The following GALNT10 variants were observed in gnomAD, a reference collection of about 807,000 sequenced individuals.
GALNT10 encodes the protein GalNAc transferase 10.
Under a neutral mutation model 75.0 loss-of-function variants are expected in GALNT10, and 41 were observed. The ratio of observed to expected loss-of-function variants is 0.55; its 90% CI spans 0.43 to 0.71. The LOEUF is 0.71. GALNT10 is among the 30% of genes least tolerant of loss of function. The pLI, the probability that GALNT10 is intolerant of heterozygous loss-of-function variation, is 0.00. For missense variants in GALNT10, 727 were observed against 818.5 expected (o/e 0.89, Z 1.36); for synonymous variants, 302 against 313.0 (o/e 0.96, Z 0.37).
chr5:154,403,464 G>T (rs757204072), intron 7 of GALNT10, among the ~76,000 whole-genome samples: 4 of 152,214 alleles, frequency 2.6e-5, no homozygotes, highest in Non-Finnish European at 2.9e-5. Context: ...CAGCTGCACA[G>T]CCTAGCAAGC....
At chr5:154,206,484 C>G (rs1191786318) in intron 1 of GALNT10, among the ~76,000 whole-genome samples, 4 of 152,202 alleles carry the variant, frequency 2.6e-5, no homozygotes, top group Admixed American at 2.6e-4. Flanking sequence ...TGCAGTGCAT[C>G]AGGCAGAGCA....
At chr5:154,231,775 C>G (rs1362009660) in intron 1 of GALNT10, among the ~76,000 whole-genome samples, 1 of 152,194 alleles carries the variant, frequency 6.6e-6, no homozygotes, top group East Asian at 1.9e-4. Flanking sequence ...AGCTTAATTG[C>G]TGGCACATCT....
chr5:154,325,961 C>A (rs9324775), intron 3 of GALNT10, among the ~76,000 whole-genome samples: 8,942 of 151,812 alleles, frequency 0.059, 807 homozygotes, highest in African/African-American at 0.2. Flanking sequence ...TATCTTGTAC[C>A]TAAGAAATTC....
chr5:154,379,569 A>G (rs778977430), intron 5 of GALNT10, among the ~76,000 whole-genome samples: 1 of 152,210 alleles, frequency 6.6e-6, no homozygotes, highest in Non-Finnish European at 1.5e-5. Flanking sequence ...TGTCTGACCC[A>G]GTAGCTCACT....
intron 1 of GALNT10, among the ~76,000 whole-genome samples, chr5:154,202,450 G>T (rs991056410): frequency 1.3e-5 from 2 of 152,196 alleles, no homozygotes; most frequent in African/African-American, 2.4e-5. Flanking sequence ...TATGCACTGT[G>T]CCCATCTCAG....
chr5:154,190,904 C>A lies in GALNT10; in HGVS notation c.38C>A (p.Ala13Glu). ...GAGAAGCGGCTCCTGCAGGCGGTGG[C>A]GCTGGTGCTGGCGGCCCTGGTCCTC... ...RKEKRLLQAV[A>E]LVLAALVLLP... The change falls in exon 1 of 12, where the codon GCG (alanine) becomes GAG (glutamate). Residue 13 changes from alanine to glutamate, a missense_variant. By Grantham distance (107) the Ala-to-Glu change is moderately radical. Coordinates refer to ENST00000297107, the MANE Select transcript of GALNT10 (RefSeq NM_198321.4). 6.8e-7 allele frequency: 1 copy of A among 1,472,914 alleles called. No homozygotes were observed. The allele number at this position is 1,472,914 out of a possible 1,614,324, so 91.2% of individuals were successfully genotyped here. A position where few individuals can be genotyped will look rare whatever the true frequency, so the allele number is the denominator to read the frequency against.
At chr5:154,269,707 G>A (rs1753832967) in intron 1 of GALNT10, among the ~76,000 whole-genome samples, 1 of 152,236 alleles carries the variant, frequency 6.6e-6, no homozygotes, top group Admixed American at 6.5e-5. Context: ...ATAGGCTGGT[G>A]GGCAGAGAAC....
rs556588342 is a variant in GALNT10 at position 154,347,387 on chromosome 5, A to G, written c.568+17649A>G. The G allele has an allele frequency of 2.5e-5, 8 of 320,682 alleles. No individual in the cohort carries two copies. The East Asian group carries it at 4.7e-4, about 19-fold the overall frequency. The allele number at this position is 320,682 out of a possible 1,614,324, so 19.9% of individuals were successfully genotyped here. ...TATAAGGATTTTTTTTTTTTTAGAC[A>G]GGATCTTGCTCTGTCATTCAGGTTG... On this transcript the variant is annotated intron_variant, in intron 4 of 11. Coordinates refer to ENST00000297107, the MANE Select transcript of GALNT10 (RefSeq NM_198321.4).
chr5:154,352,850 T>C lies in GALNT10; in HGVS notation c.568+23112T>C, dbSNP rs1581988212. On this transcript the variant is annotated intron_variant, in intron 4 of 11. Transcript: ENST00000297107. This position sits in a 1 kb window ranked among gnomAD's most constrained non-coding sequence, Gnocchi z 4.4. ...GCGGTCTTGCATCGGGACATGGCTA[T>C]GGCAGGGAAGAAATTTTCACAGGGC... Among the ~76,000 whole-genome samples, 1 of 152,316 alleles carries C rather than the reference T, an allele frequency of 6.6e-6. No individual in the cohort carries two copies. The highest frequency in any genetic ancestry group is 2.4e-5 in the African/African-American group (1 of 41,568).
At chr5:154,324,234 C>T (rs559945803) in intron 3 of GALNT10, among the ~76,000 whole-genome samples, 44 of 152,226 alleles carry the variant, frequency 2.9e-4, no homozygotes, top group Non-Finnish European at 4.0e-4. Flanking sequence ...GATGCAGTGT[C>T]CCCAGCTGCT....
At chr5:154,293,432 G>C (rs1266798071) in intron 1 of GALNT10, among the ~76,000 whole-genome samples, 2 of 152,034 alleles carry the variant, frequency 1.3e-5, no homozygotes, top group South Asian at 2.1e-4. Context: ...CTGTTGGCTT[G>C]AGAAAGTATC....
At chr5:154,267,182 C>G (rs1052786260) in intron 1 of GALNT10, among the ~76,000 whole-genome samples, 3 of 152,172 alleles carry the variant, frequency 2.0e-5, no homozygotes, top group African/African-American at 7.2e-5. Context: ...ACATCCAAAT[C>G]ATGGCGTGGT....
At chr5:154,341,404 CT>C (rs1374258219) in intron 4 of GALNT10, among the ~76,000 whole-genome samples, 1 of 152,168 alleles carries the variant, frequency 6.6e-6, no homozygotes, top group African/African-American at 2.4e-5. Flanking sequence ...CATTCCTGGG[CT>C]TGTTAATGAA....
intron 1 of GALNT10, among the ~76,000 whole-genome samples, chr5:154,245,031 A>C (rs2113670349): frequency 6.6e-6 from 1 of 152,240 alleles, no homozygotes. Flanking sequence ...CACTGCAGGG[A>C]TTCTGGAAGC....
Position 154,276,823 on chromosome 5 carries a change from G to A in GALNT10, c.160-17993G>A, listed in dbSNP as rs550608160. Among the ~76,000 whole-genome samples the A allele has an allele frequency of 5.9e-5, 9 of 152,266 alleles. No individual in the cohort carries two copies. The South Asian group carries it at 1.5e-3, about 25-fold the overall frequency. ...AGGGAGATTATTTTGTAAGCGGAGC[G>A]GGGATAGAAGTGGGGCCTCTTGAAG... is the stretch of plus-strand genomic sequence containing the variant. On this transcript the variant is annotated intron_variant, in intron 1 of 11. Transcript: ENST00000297107.
chr5:154,415,817 C>A lies in GALNT10; in HGVS notation c.1538C>A (p.Pro513His). Reference protein sequence around the residue: ...FTFTWREDIRPGDPQHTKKFC... With the variant: ...FTFTWREDIRHGDPQHTKKFC... ...TTCACCTGGAGAGAGGACATCCGGC[C>A]TGGAGACCCCCAGCACACCAAGAAG... is the stretch of plus-strand genomic sequence containing the variant. The change falls in exon 11 of 12, where the codon CCT (proline) becomes CAT (histidine). Residue 513 changes from proline to histidine, a missense_variant. By Grantham distance (77) the Pro-to-His change is moderately conservative. Coordinates refer to ENST00000297107, the MANE Select transcript of GALNT10 (RefSeq NM_198321.4). 6.2e-7 allele frequency: 1 copy of A among 1,614,138 alleles called. No homozygotes were observed. The highest frequency in any genetic ancestry group is 8.5e-7 in the Non-Finnish European group (1 of 1,180,004).
intron 1 of GALNT10, among the ~76,000 whole-genome samples, chr5:154,284,411 C>T (rs1464147477): frequency 6.6e-6 from 1 of 152,226 alleles, no homozygotes; most frequent in South Asian, 2.1e-4. Context: ...TACTTTATTA[C>T]TGCGTGGCTC....
intron 4 of GALNT10, among the ~76,000 whole-genome samples, chr5:154,333,723 A>G (rs1754900799): frequency 2.0e-5 from 3 of 152,172 alleles, no homozygotes; most frequent in Admixed American, 2.0e-4. Flanking sequence ...ATACTGTCCC[A>G]TTTCACAGAT....
chr5:154,303,355 A>G (rs900662246), intron 3 of GALNT10, among the ~76,000 whole-genome samples: 3 of 152,208 alleles, frequency 2.0e-5, no homozygotes, highest in Non-Finnish European at 4.4e-5. Flanking sequence ...CAAGAAGGCT[A>G]TAGTTCAGAG....
Sources: gnomAD v4.1 joint callset for allele counts (sites outside exome capture counted in the v4.1 genomes callset) on GRCh38, gnomAD v4.1.1 for gene constraint, Gnocchi (gnomAD v3.1) non-coding constraint, MANE v1.5 for transcripts, NCBI Gene and HGNC (gene_info 2026-07-23, HGNC 2026-07-21) for gene names.